Variants in ACLY observed in about 807,000 individuals in gnomAD.
ACLY encodes the protein ATP-citrate synthase.
Under a neutral mutation model 133.0 loss-of-function variants are expected in ACLY, and 41 were observed. The observed-to-expected ratio is 0.31, with a 90% CI of 0.24 to 0.40. The LOEUF (loss-of-function observed/expected upper bound fraction) is 0.40. Among genes scored for constraint, ACLY ranks in the 10% least tolerant of loss-of-function variants. The pLI, the probability that ACLY is intolerant of heterozygous loss-of-function variation, is 1.00. For missense variants in ACLY, 1,046 were observed against 1,453.8 expected, an observed-to-expected ratio of 0.72 and a Z score of 4.56; for synonymous variants, 495 against 549.3, an observed-to-expected ratio of 0.90 and a Z score of 1.38.
chr17:41,905,010 G>A (rs141566431), intron 9 of ACLY, among the ~76,000 whole-genome samples: 1 of 152,126 alleles, frequency 6.6e-6, no homozygotes, highest in African/African-American at 2.4e-5. Flanking sequence ...CAAACCCACA[G>A]GAGCACTACA....
At chr17:41,919,493 C>T (rs1294977661), upstream of ACLY, among the ~76,000 whole-genome samples, 1 of 152,234 alleles carries the variant, frequency 6.6e-6, no homozygotes, top group Non-Finnish European at 1.5e-5. Context: ...AGCCTCTCTC[C>T]TCCCTGGACT....
At chr17:41,879,045 G>T in intron 20 of ACLY, 121 bp from the exon 21 acceptor site, 2 of 1,219,758 alleles carry the variant, frequency 1.6e-6, no homozygotes, top group Non-Finnish European at 2.4e-6. Context: ...CAAGCTCACT[G>T]AATAGGTACA....
chr17:41,898,364 C>T (rs1598015207), intron 12 of ACLY, among the ~76,000 whole-genome samples: 1 of 152,196 alleles, frequency 6.6e-6, no homozygotes, highest in Non-Finnish European at 1.5e-5. Context: ...CCGCCAGCCT[C>T]GGCCTCCCAA....
chr17:41,893,109 C>A lies in ACLY; in HGVS notation c.1525G>T (p.Val509Leu). Residue 509 changes from valine (V) to leucine (L), a missense_variant, in exon 15 of 29, where the codon GTG becomes TTG. By Grantham distance (32) the Val-to-Leu change is conservative. Transcript: ENST00000352035. ...TAGTCAAAGTCCAGCATGCCTTGCA[C>A]GGCCCGGGTCTGCATGCCCCACACA... ...AIVWGMQTRA[V>L]QGMLDFDYVC... 1 of 1,614,130 alleles carries A rather than the reference C, an allele frequency of 6.2e-7. No homozygotes were observed. Among genetic ancestry groups the A allele is most frequent in the Non-Finnish European group, 8.5e-7 (1 of 1,180,004 alleles).
At chr17:41,917,085 C>T (rs1349940965) in intron 1 of ACLY, among the ~76,000 whole-genome samples, 1 of 144,648 alleles carries the variant, frequency 6.9e-6, no homozygotes, top group Non-Finnish European at 1.5e-5. Flanking sequence ...TGCAGTGAAC[C>T]GAGATCCACC....
chr17:41,915,917 G>C (rs1189413114), intron 1 of ACLY, among the ~76,000 whole-genome samples: 4 of 152,162 alleles, frequency 2.6e-5, no homozygotes, highest in African/African-American at 9.7e-5. Flanking sequence ...CCAGGGGAAA[G>C]GAAGTCCCTG....
intron 4 of ACLY, 122 bp downstream of exon 4, chr17:41,910,100 G>T: frequency 9.9e-7 from 1 of 1,005,802 alleles, no homozygotes; most frequent in Non-Finnish European, 1.5e-6. Flanking sequence ...CCTCAGTGCA[G>T]CTTCAGGGAC....
Position 41,898,803 on chromosome 17 carries a change from A to G in ACLY, c.1184-18T>C, listed in dbSNP as rs1555630958. On this transcript the variant is annotated intron_variant, in intron 11 of 28. Transcript: ENST00000352035. ...GGTCTTCCCTGCAAGGGAAGGAAAAAAAAATCCATAATTCAAGTCTGCAGA... is the reference window on the plus strand; with the variant it reads ...GGTCTTCCCTGCAAGGGAAGGAAAAGAAAATCCATAATTCAAGTCTGCAGA... 2 of 1,607,846 alleles carry G rather than the reference A, an allele frequency of 1.2e-6. No homozygotes were observed. The highest frequency in any genetic ancestry group is 2.7e-5 in the African/African-American group (2 of 74,638).
intron 1 of ACLY, 146 bp downstream of exon 1, chr17:41,918,734 C>T (rs2050123727): frequency 2.9e-6 from 3 of 1,049,450 alleles, no homozygotes; most frequent in Non-Finnish European, 3.7e-6. Flanking sequence ...GAAGGCTAAC[C>T]TAAAGCTAAG....
chr17:41,928,737 C>T (rs1359710429), intron 1 of ACLY, among the ~76,000 whole-genome samples: 2 of 151,876 alleles, frequency 1.3e-5, no homozygotes, highest in African/African-American at 2.4e-5. Context: ...CCTGTAATCC[C>T]AGCTACTCAG....
chr17:41,875,588 CG>C (rs1862295435), intron 22 of ACLY, among the ~76,000 whole-genome samples: 1 of 151,982 alleles, frequency 6.6e-6, no homozygotes, highest in South Asian at 2.1e-4. Flanking sequence ...ATTGCAGGCG[CG>C]CGCCGCCACG....
intron 16 of ACLY, among the ~76,000 whole-genome samples, chr17:41,890,746 A>C (rs1489555081): frequency 6.8e-6 from 1 of 146,194 alleles, no homozygotes; most frequent in African/African-American, 2.5e-5. Flanking sequence ...CACTCCTGTA[A>C]TCCCAGCACT....
At chr17:41,907,350 G>A in intron 7 of ACLY, 92 bp downstream of exon 7, 1 of 1,047,448 alleles carries the variant, frequency 9.5e-7, no homozygotes, top group South Asian at 1.6e-5. Flanking sequence ...CAAATAAACA[G>A]CTCATGAAGG....
intron 28 of ACLY, 91 bp downstream of exon 28, chr17:41,868,618 A>G (rs78364902): frequency 4.0e-6 from 3 of 751,228 alleles, no homozygotes; most frequent in Non-Finnish European, 6.0e-6. Context: ...AAAAAAAAGA[A>G]AGAAAAAGAA....
chr17:41,913,598 G>T, intron 2 of ACLY, 117 bp downstream of exon 2: 1 of 1,120,270 alleles, frequency 8.9e-7, no homozygotes, highest in Non-Finnish European at 1.3e-6. Context: ...GCTTCCCACA[G>T]CTGCTGCTGG....
At chr17:41,881,532 C>G (rs1315616604) in intron 20 of ACLY, among the ~76,000 whole-genome samples, 1 of 151,406 alleles carries the variant, frequency 6.6e-6, no homozygotes, top group South Asian at 2.1e-4. Flanking sequence ...CAGACCTTTA[C>G]AATTACTTCC....
In ACLY at chr17:41,894,376, C is replaced by CAAA. The variant is rs11351286; in HGVS notation, c.1460-1205_1460-1203dup. On this transcript the variant is annotated intron_variant, in intron 14 of 28. Coordinates refer to ENST00000352035, the MANE Select transcript of ACLY (RefSeq NM_001096.3). ...TGGGCCACAGAGTGAGACCCTGTCTCAAAAAAAAAAAAAAAAAAAAAAAGG... is the reference window on the plus strand; with the variant it reads ...TGGGCCACAGAGTGAGACCCTGTCTCAAAAAAAAAAAAAAAAAAAAAAAAAAGG... 3.4e-3 allele frequency among the ~76,000 whole-genome samples: 203 copies of CAAA among 59,948 alleles called. 1 individual carries two copies. Among genetic ancestry groups the CAAA allele is most frequent in the Non-Finnish European group, 4.4e-3 (149 of 33,534 alleles). The allele number at this position is 59,948 out of a possible 152,430, so 39.3% of individuals were successfully genotyped here. A position where few individuals can be genotyped will look rare whatever the true frequency, so the allele number is the denominator to read the frequency against.
At chr17:41,890,793 G>A (rs1293736672) in intron 16 of ACLY, among the ~76,000 whole-genome samples, 2 of 134,652 alleles carry the variant, frequency 1.5e-5, no homozygotes, top group Non-Finnish European at 3.1e-5. Flanking sequence ...TTAAGGCCAG[G>A]AGTTCGAGAC....
intron 24 of ACLY, 41 bp from the exon 25 acceptor site, chr17:41,871,873 GT>G (rs2048606540): frequency 6.2e-7 from 1 of 1,610,404 alleles, no homozygotes; most frequent in Non-Finnish European, 8.5e-7. Flanking sequence ...AGCTTTAAGA[GT>G]TTCCTTCAGC....
Sources: allele counts gnomAD v4.1 joint callset (sites outside exome capture counted in the v4.1 genomes callset), GRCh38; gene constraint gnomAD v4.1.1; transcripts MANE v1.5; gene names NCBI Gene and HGNC (gene_info 2026-07-23, HGNC 2026-07-21).